Variants in FAM227B observed in about 807,000 individuals in gnomAD.
The protein encoded by FAM227B is protein FAM227B.
In FAM227B, 88 loss-of-function variants were observed where a neutral mutation model predicts 73.8. The ratio of observed to expected loss-of-function variants is 1.19; its 90% CI spans 1.00 to 1.42. FAM227B has a LOEUF of 1.42. Ranked by LOEUF, FAM227B falls within the 40% of genes most tolerant of loss-of-function variation. FAM227B has a pLI of 0.00. For missense variants in FAM227B, 632 were observed against 590.9 expected, an observed-to-expected ratio of 1.07 and a Z score of -0.72; for synonymous variants, 210 against 190.5, an observed-to-expected ratio of 1.10 and a Z score of -0.84.
At chr15:49,395,752 G>A (rs2047537690) in intron 11 of FAM227B, among the ~76,000 whole-genome samples, 1 of 152,214 alleles carries the variant, frequency 6.6e-6, no homozygotes, top group Non-Finnish European at 1.5e-5. Context: ...CTACGAGGCA[G>A]TCTTGCAAAT....
At chr15:49,525,228 C>A (rs567151553) in intron 10 of FAM227B, among the ~76,000 whole-genome samples, 1 of 152,090 alleles carries the variant, frequency 6.6e-6, no homozygotes, top group East Asian at 1.9e-4. Flanking sequence ...ATCATGGGGG[C>A]AGGTTTTTCC....
intron 5 of FAM227B, among the ~76,000 whole-genome samples, chr15:49,583,244 T>C (rs2075927623): frequency 6.8e-6 from 1 of 147,440 alleles, no homozygotes; most frequent in Admixed American, 6.7e-5. Context: ...GCTAGACTAA[T>C]AAAGAGGAAA....
intron 11 of FAM227B, chr15:49,484,216 C>T: frequency 1.2e-6 from 1 of 846,276 alleles, no homozygotes; most frequent in Non-Finnish European, 1.8e-6. Context: ...GTGTATGTTT[C>T]AATTCTACCA....
In FAM227B at chr15:49,541,582, A is replaced by G. The variant is rs571590488; in HGVS notation, c.874+98T>C. 431 of 1,108,880 alleles carry G rather than the reference A, an allele frequency of 3.9e-4. 2 individuals carry two copies. In the African/African-American group the frequency reaches 6.6e-3, roughly 17 times the overall value. 68.7% of individuals were successfully genotyped at this position (1,108,880 alleles called of 1,614,324 possible). ...TGCTATGGCATGCTTTGTAAGAAAA[A>G]GAACTACCAATATTTTTGGATGGAA... is the stretch of plus-strand genomic sequence containing the variant. On this transcript the variant is annotated intron_variant, in intron 10 of 15. Transcript: ENST00000299338.
Position 49,328,646 on chromosome 15 carries a change from A to AC in FAM227B, c.1448dup (p.Cys483TrpfsTer22), listed in dbSNP as rs1289099011. 2 of 1,574,092 alleles carry AC rather than the reference A, an allele frequency of 1.3e-6. No homozygotes were observed. The highest frequency in any genetic ancestry group is 2.3e-5 in the South Asian group (2 of 87,202). On this transcript the variant is annotated frameshift_variant, in exon 16 of 16. Transcript: ENST00000299338. LOFTEE classifies it low-confidence loss of function (END_TRUNC). ...ATGATGATGACGATAGTGATGCCAC[A>AC]CATTCTCTCTCAATTTCAGCTTCGG...
At chr15:49,472,860 C>A (rs796480739) in intron 11 of FAM227B, among the ~76,000 whole-genome samples, 8 of 152,276 alleles carry the variant, frequency 5.3e-5, no homozygotes, top group African/African-American at 1.9e-4. Context: ...GAAGACATTT[C>A]CCAAATTTGC....
At chr15:49,517,103 T>G (rs574454677) in intron 10 of FAM227B, among the ~76,000 whole-genome samples, 29 of 152,342 alleles carry the variant, frequency 1.9e-4, no homozygotes, top group African/African-American at 7.0e-4. Flanking sequence ...AAGATATACA[T>G]TTGTGTTGTT....
intron 11 of FAM227B, among the ~76,000 whole-genome samples, chr15:49,421,691 C>T (rs1010986342): frequency 6.6e-6 from 1 of 152,178 alleles, no homozygotes; most frequent in African/African-American, 2.4e-5. Flanking sequence ...ACACTGTAAA[C>T]TTACTATTGA....
intron 5 of FAM227B, among the ~76,000 whole-genome samples, chr15:49,582,387 A>G (rs1486804464): frequency 6.6e-6 from 1 of 152,186 alleles, no homozygotes; most frequent in Admixed American, 6.5e-5. Flanking sequence ...AGACAAGGGA[A>G]TTACATAATG....
chr15:49,459,066 C>G (rs1175740040), intron 11 of FAM227B, among the ~76,000 whole-genome samples: 1 of 152,156 alleles, frequency 6.6e-6, no homozygotes, highest in Non-Finnish European at 1.5e-5. Flanking sequence ...ATATATCTTC[C>G]TTCTCTAGTG....
chr15:49,587,278 TA>T (rs963501859), intron 5 of FAM227B, among the ~76,000 whole-genome samples: 3 of 152,014 alleles, frequency 2.0e-5, no homozygotes, highest in African/African-American at 7.2e-5. Context: ...GGAGCTAAAT[TA>T]TGAGAACACA....
chr15:49,470,890 C>T (rs780173439), intron 11 of FAM227B, among the ~76,000 whole-genome samples: 2 of 152,196 alleles, frequency 1.3e-5, no homozygotes, highest in African/African-American at 2.4e-5. Context: ...AGAACTCAAA[C>T]AGCTTGCTGG....
chr15:49,415,599 A>G (rs1348771063), intron 11 of FAM227B, among the ~76,000 whole-genome samples: 1 of 152,226 alleles, frequency 6.6e-6, no homozygotes, highest in Non-Finnish European at 1.5e-5. Context: ...CAGTAAATTC[A>G]TAATATAATT....
rs1229248498 is a variant in FAM227B at position 49,512,431 on chromosome 15, G to C, written c.875-4083C>G. On this transcript the variant is annotated intron_variant, in intron 10 of 15. Transcript: ENST00000299338. The stretch of plus-strand genomic sequence containing the variant: ...TCGCTTCTTCTATTAATTACTAAGA[G>C]TTGTACATTTCTTTCTGAATTATTT... 2.0e-5 allele frequency among the ~76,000 whole-genome samples: 3 copies of C among 151,974 alleles called. No individual in the cohort carries two copies. The South Asian group carries it at 6.2e-4, about 32-fold the overall frequency.
chr15:49,499,830 A>C (rs2152086001), intron 11 of FAM227B, among the ~76,000 whole-genome samples: 1 of 152,340 alleles, frequency 6.6e-6, no homozygotes, highest in Admixed American at 6.5e-5. Context: ...TAATGTTTAT[A>C]CATATAATTA....
At chr15:49,474,403 T>C (rs1361847468) in intron 11 of FAM227B, among the ~76,000 whole-genome samples, 1 of 152,134 alleles carries the variant, frequency 6.6e-6, no homozygotes, top group African/African-American at 2.4e-5. Flanking sequence ...TCACGTATAA[T>C]TGGTAACACA....
At chr15:49,491,734 CAT>C (rs34740099) in intron 11 of FAM227B, among the ~76,000 whole-genome samples, 49,092 of 150,736 alleles carry the variant, frequency 0.33, 8,684 homozygotes, top group African/African-American at 0.46. Context: ...CACACACACA[CAT>C]ATATATATGC....
chr15:49,351,387 C>T (rs1190270094), intron 13 of FAM227B, among the ~76,000 whole-genome samples: 3 of 152,194 alleles, frequency 2.0e-5, no homozygotes, highest in East Asian at 1.9e-4. Context: ...AACTCTGGAG[C>T]ATGCAACTCC....
intron 10 of FAM227B, among the ~76,000 whole-genome samples, chr15:49,524,475 T>C (rs947065721): frequency 3.9e-5 from 6 of 152,152 alleles, no homozygotes; most frequent in African/African-American, 1.4e-4. Context: ...CAGGCAGAAG[T>C]TTGCTGCACG....
Sources: allele counts gnomAD v4.1 joint callset (sites outside exome capture counted in the v4.1 genomes callset), GRCh38; gene constraint gnomAD v4.1.1; transcripts MANE v1.5; gene names NCBI Gene and HGNC (gene_info 2026-07-23, HGNC 2026-07-21).